NRSN1: variants seen among roughly 807,000 people sequenced by gnomAD.
NRSN1 encodes the protein neurensin-1.
A neutral mutation model predicts 17.3 loss-of-function variants in NRSN1; 14 were observed. The ratio of observed to expected loss-of-function variants is 0.81; its 90% CI spans 0.54 to 1.27. NRSN1 has a LOEUF of 1.27. Ranked by LOEUF, NRSN1 falls within the 50% of genes most tolerant of loss-of-function variation. The pLI is 0.00. For missense variants in NRSN1, 209 were observed against 235.9 expected (o/e 0.89, Z 0.75); for synonymous variants, 79 against 94.2 (o/e 0.84, Z 0.93).
At chr6:24,137,926 G>A (rs1760142203) in intron 3 of NRSN1, among the ~76,000 whole-genome samples, 1 of 152,106 alleles carries the variant, frequency 6.6e-6, no homozygotes, top group South Asian at 2.1e-4. Flanking sequence ...AAAGCTAAGA[G>A]TCATGGGAGA....
intron 3 of NRSN1, among the ~76,000 whole-genome samples, chr6:24,140,411 C>A (rs1760185861): frequency 6.6e-6 from 1 of 152,160 alleles, no homozygotes; most frequent in Non-Finnish European, 1.5e-5. Context: ...ATGGAAGGAC[C>A]TCGATTATCG....
chr6:24,136,562 G>T (rs1760120976), intron 3 of NRSN1, among the ~76,000 whole-genome samples: 1 of 151,126 alleles, frequency 6.6e-6, no homozygotes, highest in African/African-American at 2.4e-5. Flanking sequence ...AAAAGCATTT[G>T]CCTGACAGAT....
chr6:24,141,595 A>T (rs574519283), intron 3 of NRSN1: 1 of 152,910 alleles, frequency 6.5e-6, no homozygotes, highest in South Asian at 2.1e-4. Flanking sequence ...ATGTCAATAG[A>T]AAAGAGGAGA....
intron 3 of NRSN1, among the ~76,000 whole-genome samples, chr6:24,144,625 GAGAA>G (rs1165614558): frequency 3.9e-5 from 6 of 152,152 alleles, no homozygotes; most frequent in Non-Finnish European, 7.3e-5. Flanking sequence ...AAGCCATCAT[GAGAA>G]AGAAGTAGGT....
At chr6:24,143,565 T>C (rs1031591891) in intron 3 of NRSN1, among the ~76,000 whole-genome samples, 1 of 152,226 alleles carries the variant, frequency 6.6e-6, no homozygotes, top group Non-Finnish European at 1.5e-5. Context: ...TTAATTTATG[T>C]TATGTATCTG....
chr6:24,142,732 T>C (rs900985930), intron 3 of NRSN1, among the ~76,000 whole-genome samples: 2 of 152,186 alleles, frequency 1.3e-5, no homozygotes, highest in African/African-American at 4.8e-5. Flanking sequence ...ACTTCAAGAA[T>C]GAGGCCGCAG....
chr6:24,138,712 T>G (rs773300757), intron 3 of NRSN1, among the ~76,000 whole-genome samples: 2 of 152,232 alleles, frequency 1.3e-5, no homozygotes, highest in African/African-American at 2.4e-5. Flanking sequence ...CTATCTGCCC[T>G]GACCTCTCCA....
At chr6:24,136,115 T>C (rs1760115762) in intron 3 of NRSN1, among the ~76,000 whole-genome samples, 1 of 152,194 alleles carries the variant, frequency 6.6e-6, no homozygotes, top group South Asian at 2.1e-4. Flanking sequence ...TAATTGGCCT[T>C]ATGGGGCCTC....
chr6:24,137,686 C>T (rs1035413746), intron 3 of NRSN1, among the ~76,000 whole-genome samples: 10 of 152,072 alleles, frequency 6.6e-5, no homozygotes, highest in African/African-American at 2.4e-4. Context: ...TCCCCACTCC[C>T]CCAACCCCGC....
At chr6:24,129,513 A>T (rs1368449819) in intron 2 of NRSN1, 1 of 152,250 alleles carries the variant, frequency 6.6e-6, no homozygotes, top group African/African-American at 2.4e-5. Flanking sequence ...GACCATAAGT[A>T]AATAAACCAC....
chr6:24,133,288 A>T (rs1011591751), intron 2 of NRSN1, among the ~76,000 whole-genome samples: 1 of 152,248 alleles, frequency 6.6e-6, no homozygotes, highest in East Asian at 1.9e-4. Flanking sequence ...GGACAGATGT[A>T]TCCACAAACA....
At chr6:24,130,618 G>A (rs964416358) in intron 2 of NRSN1, among the ~76,000 whole-genome samples, 6 of 152,064 alleles carry the variant, frequency 3.9e-5, no homozygotes, top group Admixed American at 6.5e-5. Context: ...GGCAACATAC[G>A]TGATACTGAA....
chr6:24,146,227 TTTGTG>T lies in NRSN1; in HGVS notation c.*284_*288del, dbSNP rs1364983473. The T allele has an allele frequency of 2.8e-5, 18 of 643,752 alleles. No individual in the cohort carries two copies. The highest frequency in any genetic ancestry group is 5.0e-4 in the Middle Eastern group (2 of 4,026). The allele number at this position is 643,752 out of a possible 1,614,324, so 39.9% of individuals were successfully genotyped here. On this transcript the variant is annotated 3_prime_UTR_variant, in exon 4 of 4. Transcript: ENST00000378491. ...GAACTCCTCTTTCATAGATCGTGAC[TTTGTG>T]TTATTTTCCGTGTTGTTTGAAAGTG...
chr6:24,142,533 A>T (rs1429771085), intron 3 of NRSN1, among the ~76,000 whole-genome samples: 1 of 151,886 alleles, frequency 6.6e-6, no homozygotes, highest in Non-Finnish European at 1.5e-5. Context: ...ATCTCGGCTC[A>T]CTGCAACCTC....
chr6:24,143,060 AC>A, intron 3 of NRSN1, among the ~76,000 whole-genome samples: 1 of 152,052 alleles, frequency 6.6e-6, no homozygotes, highest in South Asian at 2.1e-4. Flanking sequence ...GAGTTTACAA[AC>A]CTTTAGCTAG....
At chr6:24,143,481 TGTGGATAC>T (rs1223984418) in intron 3 of NRSN1, among the ~76,000 whole-genome samples, 1 of 152,226 alleles carries the variant, frequency 6.6e-6, no homozygotes, top group African/African-American at 2.4e-5. Flanking sequence ...GTGATAGATT[TGTGGATAC>T]GTTTTCCTTC....
In NRSN1 at chr6:24,145,136, CATATAAT is replaced by C. The variant is rs1561868547; in HGVS notation, c.190-399_190-393del. 2.1e-5 allele frequency among the ~76,000 whole-genome samples: 3 copies of C among 140,380 alleles called. No homozygotes were observed. The highest frequency in any genetic ancestry group is 7.9e-5 in the African/African-American group (3 of 38,032). The allele number at this position is 140,380 out of a possible 152,430, so 92.1% of individuals were successfully genotyped here. On this transcript the variant is annotated intron_variant, in intron 3 of 3. Transcript: ENST00000378491. This position sits in a 1 kb window ranked among gnomAD's most constrained non-coding sequence, Gnocchi z 4.4. Reference sequence around the variant, plus strand: ...TATATATAATATACATATCTTTAGACATATAATATATAATATATATATCTTTGGACAT... The same window carrying C: ...TATATATAATATACATATCTTTAGACATATAATATATATATCTTTGGACAT...
Position 24,145,789 on chromosome 6 carries a change from C to T in NRSN1, c.431C>T (p.Ser144Phe). The T allele has an allele frequency of 1.9e-6, 3 of 1,614,148 alleles. No individual in the cohort carries two copies. The highest frequency in any genetic ancestry group is 2.5e-6 in the Non-Finnish European group (3 of 1,180,020). Residue 144 changes from serine (S) to phenylalanine (F), a missense_variant, in exon 4 of 4, where the codon TCC becomes TTC. Coordinates refer to ENST00000378491, the MANE Select transcript of NRSN1 (RefSeq NM_080723.5). This position sits in a 1 kb window ranked among gnomAD's most constrained non-coding sequence, Gnocchi z 4.4. ...LLMSVFVKSY[S>F]KEEKFLQQKF... The stretch of plus-strand genomic sequence containing the variant: ...ATGTCGGTGTTTGTAAAGAGCTACT[C>T]CAAAGAAGAAAAATTCCTCCAGCAG...
At chr6:24,141,269 G>A (rs1760198529) in intron 3 of NRSN1, 1 of 1,253,530 alleles carries the variant, frequency 8.0e-7, no homozygotes, top group Admixed American at 4.1e-5. Context: ...TGTGTCCAGA[G>A]ATAATTTTTA....
Sources: allele counts gnomAD v4.1 joint callset (sites outside exome capture counted in the v4.1 genomes callset), GRCh38; gene constraint gnomAD v4.1.1; non-coding constraint Gnocchi (gnomAD v3.1); transcripts MANE v1.5; gene names NCBI Gene and HGNC (gene_info 2026-07-23, HGNC 2026-07-21).